Variants in GPT2 observed in about 807,000 individuals in gnomAD.
The protein encoded by GPT2 is alanine aminotransferase 2.
In GPT2, 30 loss-of-function variants were observed where a neutral mutation model predicts 56.9. The ratio of observed to expected loss-of-function variants is 0.53; its 90% CI spans 0.39 to 0.72. The LOEUF (loss-of-function observed/expected upper bound fraction) is 0.72, where lower values mean the gene tolerates loss of function less well. Ranked by LOEUF, GPT2 falls within the 30% of genes least tolerant of loss-of-function variation. GPT2 has a pLI of 0.00. For synonymous variants in GPT2, 271 were observed against 283.1 expected (o/e 0.96, Z 0.43); for missense variants, 542 against 703.4 (o/e 0.77, Z 2.60).
In GPT2 at chr16:46,916,667, A is replaced by T; in HGVS notation, c.860A>T (p.His287Leu). 1 of 1,614,102 alleles carries T rather than the reference A, an allele frequency of 6.2e-7. No homozygotes were observed. Among genetic ancestry groups the T allele is most frequent in the South Asian group, 1.1e-5 (1 of 91,088 alleles). The change falls in exon 7 of 12, where the codon CAC becomes CTC. Residue 287 changes from histidine to leucine, a missense_variant. By Grantham distance (99) the His-to-Leu change is moderately conservative (BLOSUM62 -3). Coordinates refer to ENST00000340124, the MANE Select transcript of GPT2 (RefSeq NM_133443.4). ...AGAAAGTGCATAGAAGATGTGATCC[A>T]CTTTGCCTGGGAAGAGAAGCTCTTT... ...QSRKCIEDVIHFAWEEKLFLL... is the reference protein window; with the variant it reads ...QSRKCIEDVILFAWEEKLFLL...
chr16:46,889,854 G>A (rs972264698), intron 2 of GPT2, among the ~76,000 whole-genome samples: 24 of 152,324 alleles, frequency 1.6e-4, no homozygotes, highest in African/African-American at 5.5e-4. Flanking sequence ...GCTGAAGGTC[G>A]CTTGTCTTTC....
chr16:46,888,495 C>T (rs1026951124), intron 2 of GPT2, among the ~76,000 whole-genome samples: 10 of 152,094 alleles, frequency 6.6e-5, no homozygotes, highest in Non-Finnish European at 1.2e-4. Flanking sequence ...TACAGGTGCC[C>T]GCCGCCACAC....
chr16:46,917,969 C>T (rs1023985404), intron 7 of GPT2, among the ~76,000 whole-genome samples: 1 of 152,188 alleles, frequency 6.6e-6, no homozygotes, highest in African/African-American at 2.4e-5. Context: ...ATGGAGCCAG[C>T]TTGACCCTCC....
intron 2 of GPT2, among the ~76,000 whole-genome samples, chr16:46,896,764 C>G (rs752393252): frequency 4.1e-4 from 63 of 152,220 alleles, no homozygotes; most frequent in Non-Finnish European, 8.2e-4. Context: ...GGAGCAGCAG[C>G]TGTTCGGGAT....
intron 6 of GPT2, among the ~76,000 whole-genome samples, chr16:46,912,707 C>G (rs571623854): frequency 6.6e-6 from 1 of 152,298 alleles, no homozygotes; most frequent in South Asian, 2.1e-4. Flanking sequence ...GAAGGGGGAG[C>G]ACGCACATCG....
At chr16:46,900,386 T>C (rs926218449) in intron 3 of GPT2, among the ~76,000 whole-genome samples, 5 of 152,130 alleles carry the variant, frequency 3.3e-5, no homozygotes, top group African/African-American at 4.8e-5. Flanking sequence ...GTGAGCCCAC[T>C]GTCCCTAGCG....
chr16:46,926,095 CA>C (rs1437468012), intron 10 of GPT2, among the ~76,000 whole-genome samples: 1 of 141,112 alleles, frequency 7.1e-6, no homozygotes, highest in Non-Finnish European at 1.5e-5. Context: ...CACGCCATTG[CA>C]CTCCATCCTG....
intron 2 of GPT2, among the ~76,000 whole-genome samples, chr16:46,886,345 C>T (rs1490132240): frequency 2.0e-5 from 3 of 152,160 alleles, no homozygotes; most frequent in Non-Finnish European, 4.4e-5. Context: ...TTCTCTGGTT[C>T]CTGAGCTGGC....
rs567510293 is a variant in GPT2, at chr16:46,897,514, T to C, written c.244-134T>C. ...AATGAGACCAGGCATGTCAAAGGCCTGGCACCAAGTCAGATACTTGGTAAG... is the reference window on the plus strand; with the variant it reads ...AATGAGACCAGGCATGTCAAAGGCCCGGCACCAAGTCAGATACTTGGTAAG... On this transcript the variant is annotated intron_variant, in intron 2 of 11. Transcript: ENST00000340124. The C allele has an allele frequency of 4.1e-6, 3 of 730,742 alleles. No homozygotes were observed. The South Asian group carries it at 5.3e-5, about 13-fold the overall frequency. The allele number at this position is 730,742 out of a possible 1,614,324, so 45.3% of individuals were successfully genotyped here.
chr16:46,909,389 G>A (rs1278702661), intron 5 of GPT2, among the ~76,000 whole-genome samples: 5 of 152,094 alleles, frequency 3.3e-5, no homozygotes, highest in East Asian at 1.9e-4. Flanking sequence ...GGCCTCAAGC[G>A]ATTTGGCTGC....
At chr16:46,912,504 AG>A (rs1596876027) in intron 6 of GPT2, among the ~76,000 whole-genome samples, 2 of 152,320 alleles carry the variant, frequency 1.3e-5, no homozygotes, top group East Asian at 3.9e-4. Flanking sequence ...TCTGTGTCCC[AG>A]GCCTCCCGCT....
At chr16:46,916,333 G>A (rs976424796) in intron 6 of GPT2, 10 of 222,288 alleles carry the variant, frequency 4.5e-5, no homozygotes, top group Non-Finnish European at 8.3e-5. Flanking sequence ...GTGACAGAGC[G>A]AGACTCCGTC....
intron 2 of GPT2, among the ~76,000 whole-genome samples, chr16:46,889,935 G>C (rs1477576830): frequency 6.6e-6 from 1 of 152,156 alleles, no homozygotes. Flanking sequence ...CCTCTGCCTT[G>C]CTGTCTTGAG....
At chr16:46,893,513 C>T (rs1309850438) in intron 2 of GPT2, among the ~76,000 whole-genome samples, 4 of 152,210 alleles carry the variant, frequency 2.6e-5, no homozygotes, top group African/African-American at 7.2e-5. Flanking sequence ...GTGTTCCCTT[C>T]CGTGGGCCGC....
chr16:46,910,678 C>CT (rs1961032835), intron 6 of GPT2, among the ~76,000 whole-genome samples: 1 of 152,232 alleles, frequency 6.6e-6, no homozygotes. Context: ...TCATAACTCA[C>CT]TGCAGCCTTG....
intron 9 of GPT2, among the ~76,000 whole-genome samples, chr16:46,923,453 G>A (rs576354338): frequency 1.4e-4 from 22 of 152,316 alleles, no homozygotes; most frequent in Admixed American, 9.2e-4. Flanking sequence ...GCAAGACTCC[G>A]TTTAAAAACA....
At chr16:46,927,707 TAGGCA>T (rs1242294983) in intron 11 of GPT2, among the ~76,000 whole-genome samples, 2 of 151,960 alleles carry the variant, frequency 1.3e-5, no homozygotes, top group Non-Finnish European at 2.9e-5. Context: ...AGTCTTGACT[TAGGCA>T]AGGTTGTGGG....
At chr16:46,907,044 C>T in intron 5 of GPT2, 69 bp downstream of exon 5, 1 of 1,599,142 alleles carries the variant, frequency 6.3e-7, no homozygotes, top group East Asian at 2.2e-5. Context: ...CCTGTTAGGG[C>T]CCAGCATTGG....
intron 6 of GPT2, among the ~76,000 whole-genome samples, chr16:46,912,012 C>G (rs1287856736): frequency 6.6e-6 from 1 of 152,134 alleles, no homozygotes; most frequent in Non-Finnish European, 1.5e-5. Context: ...TGGGCAGGAC[C>G]TGGCCTTGCT....
Sources: allele counts gnomAD v4.1 joint callset (sites outside exome capture counted in the v4.1 genomes callset), GRCh38; gene constraint gnomAD v4.1.1; transcripts MANE v1.5; gene names NCBI Gene and HGNC (gene_info 2026-07-23, HGNC 2026-07-21).